The following CCSER1 variants were observed in gnomAD, a reference collection of about 807,000 sequenced individuals.
CCSER1 encodes serine-rich coiled-coil domain-containing protein 1.
Under a neutral mutation model 82.0 loss-of-function variants are expected in CCSER1, and 41 were observed. The ratio of observed to expected loss-of-function variants is 0.50; its 90% CI spans 0.39 to 0.65. CCSER1 has a LOEUF of 0.65. Ranked by LOEUF, CCSER1 falls within the 30% of genes least tolerant of loss-of-function variation. CCSER1 has a pLI of 0.00. For synonymous variants in CCSER1, 414 were observed against 383.9 expected (o/e 1.08, Z -0.92); for missense variants, 1,119 against 1,064.2 (o/e 1.05, Z -0.72).
In CCSER1 at chr4:90,428,050, G is replaced by A. The variant is rs900997152; in HGVS notation, c.1603+27921G>A. On this transcript the variant is annotated intron_variant, in intron 4 of 10. Coordinates refer to ENST00000509176, the MANE Select transcript of CCSER1 (RefSeq NM_001145065.2). Reference sequence around the variant, plus strand: ...AATCAAACAAGTGTTATAGATTGATGTGCTAATCTAAGTTTTATCTTTTCT... The same window carrying A: ...AATCAAACAAGTGTTATAGATTGATATGCTAATCTAAGTTTTATCTTTTCT... Among the ~76,000 whole-genome samples, 4 of 151,788 alleles carry A rather than the reference G, an allele frequency of 2.6e-5. No individual in the cohort carries two copies. The East Asian group carries it at 7.7e-4, about 29-fold the overall frequency.
chr4:91,171,661 G>A (rs983961988), intron 10 of CCSER1, among the ~76,000 whole-genome samples: 1 of 151,864 alleles, frequency 6.6e-6, no homozygotes, highest in Non-Finnish European at 1.5e-5. Flanking sequence ...TTCATTCCTA[G>A]GAATATGACA....
At chr4:90,395,617 A>T (rs1751833494) in intron 3 of CCSER1, among the ~76,000 whole-genome samples, 1 of 149,928 alleles carries the variant, frequency 6.7e-6, no homozygotes, top group South Asian at 2.1e-4. Context: ...ATAATGTTGG[A>T]GTTTGCTTTT....
chr4:90,630,719 G>A (rs2148928175), intron 6 of CCSER1, among the ~76,000 whole-genome samples: 1 of 151,810 alleles, frequency 6.6e-6, no homozygotes, highest in Non-Finnish European at 1.5e-5. Context: ...CCCTAAGCCA[G>A]GAAGTTTTAA....
chr4:90,894,231 T>A (rs566581150), intron 8 of CCSER1, among the ~76,000 whole-genome samples: 7 of 152,172 alleles, frequency 4.6e-5, no homozygotes, highest in African/African-American at 1.7e-4. Flanking sequence ...ATGAATACAA[T>A]TGAATACTGC....
At chr4:91,553,572 A>T (rs1338028444) in intron 10 of CCSER1, among the ~76,000 whole-genome samples, 2 of 149,850 alleles carry the variant, frequency 1.3e-5, no homozygotes, top group East Asian at 3.9e-4. Context: ...ACTTACGGGA[A>T]TTTTTTTTTT....
chr4:90,951,240 T>C (rs1016626501), intron 9 of CCSER1: 1 of 152,086 alleles, frequency 6.6e-6, no homozygotes, highest in African/African-American at 2.4e-5. Context: ...AATGACAGCA[T>C]GCCCTTAACA....
chr4:90,463,646 G>A (rs1456811519), intron 4 of CCSER1, among the ~76,000 whole-genome samples: 1 of 152,144 alleles, frequency 6.6e-6, no homozygotes, highest in Non-Finnish European at 1.5e-5. Context: ...ACTCTACCAA[G>A]TCAAAAGCAA....
chr4:91,376,933 T>C (rs1750460014), intron 10 of CCSER1, among the ~76,000 whole-genome samples: 1 of 138,884 alleles, frequency 7.2e-6, no homozygotes, highest in South Asian at 2.5e-4. Flanking sequence ...CAGTGTGTGA[T>C]GTTCCCCTTC....
At chr4:91,194,786 G>C (rs17018207) in intron 10 of CCSER1, among the ~76,000 whole-genome samples, 2,738 of 152,244 alleles carry the variant, frequency 0.018, 60 homozygotes, top group African/African-American at 0.053. Context: ...GAGGTTTCAT[G>C]ATATTTGTCA....
At chr4:90,616,995 T>C (rs1721405369) in intron 5 of CCSER1, among the ~76,000 whole-genome samples, 1 of 152,156 alleles carries the variant, frequency 6.6e-6, no homozygotes, top group African/African-American at 2.4e-5. Flanking sequence ...GTGTGTATCC[T>C]GTTCAGTCTC....
At chr4:91,086,045 G>A in intron 10 of CCSER1, 51 bp downstream of exon 10, 1 of 1,084,568 alleles carries the variant, frequency 9.2e-7, no homozygotes, top group Admixed American at 2.1e-5. Flanking sequence ...CATGGCTATG[G>A]TGTTGCAGTG....
At chr4:90,901,883 T>A (rs1724710551) in intron 8 of CCSER1, among the ~76,000 whole-genome samples, 1 of 152,038 alleles carries the variant, frequency 6.6e-6, no homozygotes. Context: ...TCTTCCAGTG[T>A]TTTCCAGGTT....
intron 3 of CCSER1, among the ~76,000 whole-genome samples, chr4:90,397,995 T>G (rs1374907769): frequency 6.6e-6 from 1 of 152,194 alleles, no homozygotes; most frequent in Non-Finnish European, 1.5e-5. Flanking sequence ...CTGGGTGGCT[T>G]AAACAACAGA....
At chr4:90,412,502 A>T (rs1325952947) in intron 4 of CCSER1, among the ~76,000 whole-genome samples, 1 of 147,004 alleles carries the variant, frequency 6.8e-6, no homozygotes, top group African/African-American at 2.6e-5. Context: ...TTAAAAAAAG[A>T]TGCTGAATCA....
At chr4:91,104,110 T>C (rs1238359808) in intron 10 of CCSER1, among the ~76,000 whole-genome samples, 3 of 152,140 alleles carry the variant, frequency 2.0e-5, no homozygotes, top group African/African-American at 4.8e-5. Context: ...AACTCTGCCC[T>C]GGTAATTTTG....
At position 91,600,429 on chromosome 4, in the gene CCSER1, G is replaced by A. The variant is rs922176526; in HGVS notation, c.*1372G>A. 3.3e-5 allele frequency: 5 copies of A among 152,114 alleles called. No individual in the cohort carries two copies. The highest frequency in any genetic ancestry group is 1.2e-4 in the African/African-American group (5 of 41,438). The allele number at this position is 152,114 out of a possible 1,614,324, so 9.4% of individuals were successfully genotyped here. Reference sequence around the variant, plus strand: ...GTTAAGTACATCCACATTAGCCATAGTCCATGCAAATTGAAACTGTCATAC... The same window carrying A: ...GTTAAGTACATCCACATTAGCCATAATCCATGCAAATTGAAACTGTCATAC... On this transcript the variant is annotated 3_prime_UTR_variant, in exon 11 of 11. Transcript: ENST00000509176.
intron 10 of CCSER1, among the ~76,000 whole-genome samples, chr4:91,167,185 C>CTTTTTTT (rs55920118): frequency 8.2e-6 from 1 of 121,524 alleles, no homozygotes; most frequent in Non-Finnish European, 1.6e-5. Flanking sequence ...AATTGCAATA[C>CTTTTTTT]TTTTTTTTTT....
At chr4:90,172,168 G>A (rs1490153406) in intron 1 of CCSER1, among the ~76,000 whole-genome samples, 5 of 151,898 alleles carry the variant, frequency 3.3e-5, no homozygotes, top group Admixed American at 3.3e-4. Flanking sequence ...GAACACTTAC[G>A]TGATGATGAC....
chr4:90,657,624 TA>T (rs1176530068), intron 6 of CCSER1, among the ~76,000 whole-genome samples: 2 of 152,218 alleles, frequency 1.3e-5, no homozygotes, highest in Non-Finnish European at 2.9e-5. Flanking sequence ...TATGCTTCAC[TA>T]ATTTTCTCTT....
Sources: gnomAD v4.1 joint callset for allele counts (sites outside exome capture counted in the v4.1 genomes callset) on GRCh38, gnomAD v4.1.1 for gene constraint, MANE v1.5 for transcripts, NCBI Gene and HGNC (gene_info 2026-07-23, HGNC 2026-07-21) for gene names.